ZNF808: variants seen among roughly 807,000 people sequenced by gnomAD.
ZNF808 encodes zinc finger protein 808.
In ZNF808, 5 loss-of-function variants were observed where a neutral mutation model predicts 8.7. The ratio of observed to expected loss-of-function variants is 0.58; its 90% CI spans 0.30 to 1.21. The LOEUF is 1.21. Ranked by LOEUF, ZNF808 falls within the 50% of genes most tolerant of loss-of-function variation. ZNF808 has a pLI of 0.07. For missense variants in ZNF808, 1,103 were observed against 1,098.4 expected (o/e 1.00, Z -0.06); for synonymous variants, 380 against 366.0 (o/e 1.04, Z -0.44).
intron 4 of ZNF808, among the ~76,000 whole-genome samples, chr19:52,549,865 C>T (rs1418977351): frequency 6.6e-6 from 1 of 152,132 alleles, no homozygotes; most frequent in Non-Finnish European, 1.5e-5. Context: ...CTTGTTCATC[C>T]ACTGGACAAA....
At chr19:52,537,140 C>A (rs1217972836) in intron 2 of ZNF808, among the ~76,000 whole-genome samples, 1 of 151,786 alleles carries the variant, frequency 6.6e-6, no homozygotes, top group East Asian at 1.9e-4. Flanking sequence ...GAGCCGAGAT[C>A]GCACCATTGC....
rs998405775 is a variant in ZNF808, at chr19:52,555,961, A to C, written c.*333A>C. The C allele has an allele frequency of 1.6e-6, 1 of 641,942 alleles. No individual in the cohort carries two copies. Among genetic ancestry groups the C allele is most frequent in the Non-Finnish European group, 3.0e-6 (1 of 334,374 alleles). 39.8% of individuals were successfully genotyped at this position (641,942 alleles called of 1,614,324 possible). A position where few individuals can be genotyped will look rare whatever the true frequency, so the allele number is the denominator to read the frequency against. ...ATCCATACTGGACAGAAATCTTGCA[A>C]ATGTCATCAGTGTGGCAAGGTCTTC... On this transcript the variant is annotated 3_prime_UTR_variant, in exon 5 of 5. Coordinates refer to ENST00000359798, the MANE Select transcript of ZNF808 (RefSeq NM_001039886.4).
rs1214336492 is a variant in ZNF808 at position 52,555,668 on chromosome 19, A to G, written c.*40A>G. ...CAAAGTCTTCAGTAACACTACAACAATTGCAAATCATTGGAGAATCCATGA... is the reference window on the plus strand; with the variant it reads ...CAAAGTCTTCAGTAACACTACAACAGTTGCAAATCATTGGAGAATCCATGA... On this transcript the variant is annotated 3_prime_UTR_variant, in exon 5 of 5. Transcript: ENST00000359798. 1.3e-6 allele frequency: 2 copies of G among 1,570,136 alleles called. No homozygotes were observed. Among genetic ancestry groups the G allele is most frequent in the African/African-American group, 2.7e-5 (2 of 73,716 alleles).
chr19:52,555,590 C>T lies in ZNF808; in HGVS notation c.2674C>T (p.His892Tyr). Reference sequence around the variant, plus strand: ...CTTTAGTGACCGGTCAACACTTATTCACCATCAGGCAATTCATGGTATAGG... The same window carrying T: ...CTTTAGTGACCGGTCAACACTTATTTACCATCAGGCAATTCATGGTATAGG... Reference protein sequence around the residue: ...KAFSDRSTLIHHQAIHGIGKF... With the variant: ...KAFSDRSTLIYHQAIHGIGKF... Residue 892 changes from histidine to tyrosine, a missense_variant, in exon 5 of 5, where the codon CAC becomes TAC. His to Tyr is a moderately conservative substitution (Grantham distance 83). Transcript: ENST00000359798. 1 of 1,608,444 alleles carries T rather than the reference C, an allele frequency of 6.2e-7. No individual in the cohort carries two copies. Among genetic ancestry groups the T allele is most frequent in the Non-Finnish European group, 8.5e-7 (1 of 1,177,482 alleles).
intron 4 of ZNF808, among the ~76,000 whole-genome samples, chr19:52,547,992 C>G (rs1376413540): frequency 6.6e-6 from 1 of 152,116 alleles, no homozygotes; most frequent in Non-Finnish European, 1.5e-5. Flanking sequence ...GCCCACCTCA[C>G]CCTCCCAAAA....
At chr19:52,548,435 G>GT (rs911913024) in intron 4 of ZNF808, among the ~76,000 whole-genome samples, 2 of 152,030 alleles carry the variant, frequency 1.3e-5, no homozygotes, top group African/African-American at 2.4e-5. Context: ...TGTTGTTGTT[G>GT]TTTTTTTCTC....
chr19:52,528,485 G>A (rs962357924), intron 1 of ZNF808, among the ~76,000 whole-genome samples: 6 of 152,160 alleles, frequency 3.9e-5, no homozygotes, highest in Admixed American at 3.3e-4. Flanking sequence ...GCCAAGATAT[G>A]GTGAAAGTGG....
chr19:52,562,727 A>G (rs890308688), intron 3 of ZNF808, among the ~76,000 whole-genome samples: 3 of 152,204 alleles, frequency 2.0e-5, no homozygotes, highest in Non-Finnish European at 4.4e-5. Context: ...TGGCTGTTAT[A>G]TAACTGTAGT....
downstream of ZNF808, among the ~76,000 whole-genome samples, chr19:52,566,292 A>G (rs369886034): frequency 2.7e-4 from 41 of 152,070 alleles, 1 homozygote; most frequent in South Asian, 8.3e-3. Context: ...CAGCACCCCA[A>G]GTAGCTCAGA....
At chr19:52,527,943 T>A (rs1166846922) in intron 1 of ZNF808, 1 of 152,384 alleles carries the variant, frequency 6.6e-6, no homozygotes, top group African/African-American at 2.4e-5. Flanking sequence ...ATACACTTTC[T>A]ATTGCGTAGT....
chr19:52,561,198 CTCTCTCTCTCTCTCTATATATATA>C (rs1203834126), downstream of ZNF808, among the ~76,000 whole-genome samples: 116 of 52,952 alleles, frequency 2.2e-3, no homozygotes, highest in African/African-American at 6.5e-3. Context: ...CTCTCTCTCT[CTCTCTCTCTCTCTCTATATATATA>C]TATATATATA....
chr19:52,540,866 G>A (rs2123117629), intron 2 of ZNF808, among the ~76,000 whole-genome samples: 1 of 152,296 alleles, frequency 6.6e-6, no homozygotes, highest in Middle Eastern at 3.4e-3. Context: ...GTAATGATAT[G>A]TTTGGGATTG....
intron 2 of ZNF808, among the ~76,000 whole-genome samples, chr19:52,540,930 G>A (rs2059663999): frequency 6.6e-6 from 1 of 152,070 alleles, no homozygotes; most frequent in African/African-American, 2.4e-5. Context: ...AGGTATATAA[G>A]ATGGTCCTGG....
At chr19:52,544,948 T>C (rs945489037) in intron 3 of ZNF808, among the ~76,000 whole-genome samples, 19 of 152,194 alleles carry the variant, frequency 1.2e-4, no homozygotes, top group African/African-American at 4.6e-4. Context: ...CACGCCTGGC[T>C]AATTATTTTG....
In ZNF808 at chr19:52,553,824, C is replaced by T. The variant is rs200269925; in HGVS notation, c.908C>T (p.Thr303Ile). Residue 303 changes from threonine (T) to isoleucine (I), a missense_variant, in exon 5 of 5, where the codon ACA becomes ATA. By Grantham distance (89) the Thr-to-Ile change is moderately conservative. Transcript: ENST00000359798. ...TCCTTCAGTTACAAGTCATCCCTTA[C>T]ATGCCATCATAGACTTCATACTGGA... ...GKSFSYKSSLTCHHRLHTGVK... is the reference protein window; with the variant it reads ...GKSFSYKSSLICHHRLHTGVK... 2.5e-5 allele frequency: 40 copies of T among 1,614,064 alleles called. No individual in the cohort carries two copies. The highest frequency in any genetic ancestry group is 3.4e-5 in the Non-Finnish European group (40 of 1,180,002).
At position 52,554,070 on chromosome 19, in the gene ZNF808, A is replaced by C. The variant is rs781205094; in HGVS notation, c.1154A>C (p.Tyr385Ser). 3.7e-6 allele frequency: 6 copies of C among 1,614,090 alleles called. No individual in the cohort carries two copies. In the East Asian group the frequency reaches 1.3e-4, roughly 36 times the overall value. ...ICEKAFACHS[Y>S]LANHTRIHSG... The stretch of plus-strand genomic sequence containing the variant: ...GAGAAGGCTTTTGCGTGTCATTCCT[A>C]TCTGGCAAACCATACTAGAATTCAT... Residue 385 changes from tyrosine to serine, a missense_variant, in exon 5 of 5, where the codon TAT (tyrosine) becomes TCT (serine). By Grantham distance (144) the Tyr-to-Ser change is moderately radical. Transcript: ENST00000359798.
At chr19:52,551,599 C>G (rs2059777124) in intron 4 of ZNF808, among the ~76,000 whole-genome samples, 2 of 152,086 alleles carry the variant, frequency 1.3e-5, no homozygotes, top group South Asian at 4.1e-4. Flanking sequence ...TACTTATTTG[C>G]TTGCTGGTTT....
At chr19:52,533,843 CAA>C (rs919374020) in intron 2 of ZNF808, among the ~76,000 whole-genome samples, 1,085 of 30,686 alleles carry the variant, frequency 0.035, no homozygotes, top group Middle Eastern at 0.11. Flanking sequence ...ACTCCGTCTC[CAA>C]AAAAAAAAAA....
At position 52,555,325 on chromosome 19, in the gene ZNF808, T is replaced by C. The variant is rs754545726; in HGVS notation, c.2409T>C (p.Asn803=). ...TTTGTGACAAGGCTTTCGTGCGTAATTCATACCTGGCAAGACATATTAGAA... is the reference window on the plus strand; with the variant it reads ...TTTGTGACAAGGCTTTCGTGCGTAACTCATACCTGGCAAGACATATTAGAA... ...CTVCDKAFVR[N]SYLARHIRIH... Residue 803 remains asparagine (N), a synonymous_variant, in exon 5 of 5, where the codon AAT becomes AAC. Transcript: ENST00000359798. 1 of 1,614,144 alleles carries C rather than the reference T, an allele frequency of 6.2e-7. No homozygotes were observed. The highest frequency in any genetic ancestry group is 1.3e-5 in the African/African-American group (1 of 75,024).
Sources: gnomAD v4.1 joint callset for allele counts (sites outside exome capture counted in the v4.1 genomes callset) on GRCh38, gnomAD v4.1.1 for gene constraint, MANE v1.5 for transcripts, NCBI Gene and HGNC (gene_info 2026-07-23, HGNC 2026-07-21) for gene names.